Variants in CYC1 observed in about 807,000 individuals in gnomAD.
CYC1 encodes cytochrome c1, also known as cytochrome c1, heme protein, mitochondrial.
CYC1 carries 10 observed loss-of-function variants against 33.8 expected under a neutral mutation model. The ratio of observed to expected loss-of-function variants is 0.30; its 90% CI spans 0.18 to 0.50. The LOEUF is 0.50. CYC1 is among the 20% of genes least tolerant of loss of function. The pLI is 0.98. For missense variants in CYC1, 459 were observed against 437.6 expected (o/e 1.05, Z -0.44); for synonymous variants, 224 against 181.9 (o/e 1.23, Z -1.86).
intron 3 of CYC1, 33 bp downstream of exon 3, chr8:144,096,283 C>A: frequency 6.2e-7 from 1 of 1,613,400 alleles, no homozygotes; most frequent in Non-Finnish European, 8.5e-7. Flanking sequence ...GGACCCAGGG[C>A]TCAGGGCTCC....
At position 144,097,296 on chromosome 8, in the gene CYC1, T is replaced by A; in HGVS notation, c.938T>A (p.Val313Asp). The A allele has an allele frequency of 6.2e-7, 1 of 1,614,090 alleles. No individual in the cohort carries two copies. Among genetic ancestry groups the A allele is most frequent in the South Asian group, 1.1e-5 (1 of 91,078 alleles). ...ACCATAAAGCGGCACAAGTGGTCAG[T>A]CCTGAAGAGTCGGAAGCTGGCATAT... Reference protein sequence around the residue: ...VYTIKRHKWSVLKSRKLAYRP... With the variant: ...VYTIKRHKWSDLKSRKLAYRP... Residue 313 changes from valine (V) to aspartate (D), a missense_variant, in exon 7 of 7, where the codon GTC (valine) becomes GAC (aspartate). By Grantham distance (152) the Val-to-Asp change is radical. Transcript: ENST00000318911.
chr8:144,096,930 C>T lies in CYC1; in HGVS notation c.773-104C>T, dbSNP rs928198780. ...GTATGTCCGGTGGAGGGTACTGCCC[C>T]TTTGATGCCTTGGGTAGGGGCAGTG... is the stretch of plus-strand genomic sequence containing the variant. On this transcript the variant is annotated intron_variant, in intron 5 of 6. Coordinates refer to ENST00000318911, the MANE Select transcript of CYC1 (RefSeq NM_001916.5). 7 of 1,216,314 alleles carry T rather than the reference C, an allele frequency of 5.8e-6. No homozygotes were observed. The African/African-American group carries it at 1.1e-4, about 18-fold the overall frequency. The allele number at this position is 1,216,314 out of a possible 1,614,324, so 75.3% of individuals were successfully genotyped here.
rs145614459 is a variant in CYC1 at position 144,096,359 on chromosome 8, A to G, written c.476A>G (p.Asn159Ser). Residue 159 changes from asparagine (N) to serine (S), a missense_variant, in exon 4 of 7, where the codon AAT (asparagine) becomes AGT (serine). By Grantham distance (46) the Asn-to-Ser change is conservative. Transcript: ENST00000318911. ...CAGGTGGAGGTTCAAGACGGCCCCA[A>G]TGAAGATGGGGAGATGTTCATGCGG... Reference protein sequence around the residue: ...AAEVEVQDGPNEDGEMFMRPG... With the variant: ...AAEVEVQDGPSEDGEMFMRPG... 1.9e-4 allele frequency: 303 copies of G among 1,613,998 alleles called. No homozygotes were observed. The highest frequency in any genetic ancestry group is 7.3e-4 in the Admixed American group (44 of 60,012).
chr8:144,095,450 C>T (rs1836130266), intron 1 of CYC1: 1 of 426,612 alleles, frequency 2.3e-6, no homozygotes, highest in South Asian at 5.9e-5. Context: ...GTTGGCGGGA[C>T]GGGCTAGCTG....
At position 144,097,446 on chromosome 8, in the gene CYC1, C is replaced by A; in HGVS notation, c.*110C>A. 2 of 852,476 alleles carry A rather than the reference C, an allele frequency of 2.3e-6. No individual in the cohort carries two copies. Among genetic ancestry groups the A allele is most frequent in the Non-Finnish European group, 1.9e-6 (1 of 537,524 alleles). The allele number at this position is 852,476 out of a possible 1,614,324, so 52.8% of individuals were successfully genotyped here. On this transcript the variant is annotated 3_prime_UTR_variant, in exon 7 of 7. Transcript: ENST00000318911. The stretch of plus-strand genomic sequence containing the variant: ...GCCTCTCTTCATCTGGAAGAAGAGG[C>A]AAGGGGGCAGGAGACCAGGCTCTAG...
Position 144,095,151 on chromosome 8 carries a change from G to A in CYC1, c.52G>A (p.Ala18Thr). 1 of 1,210,628 alleles carries A rather than the reference G, an allele frequency of 8.3e-7. No homozygotes were observed. The highest frequency in any genetic ancestry group is 1.0e-6 in the Non-Finnish European group (1 of 973,358). 75.0% of individuals were successfully genotyped at this position (1,210,628 alleles called of 1,614,324 possible). A position where few individuals can be genotyped will look rare whatever the true frequency, so the allele number is the denominator to read the frequency against. ...LRGVVLGPRG[A>T]GLPGARARGL... ...CGGGGTAGTGTTGGGCCCGCGGGGC[G>A]CGGGGCTCCCGGGCGCGCGTGCCCG... Residue 18 changes from alanine (A) to threonine (T), a missense_variant, in exon 1 of 7, where the codon GCG (alanine) becomes ACG (threonine). Coordinates refer to ENST00000318911, the MANE Select transcript of CYC1 (RefSeq NM_001916.5).
Position 144,097,048 on chromosome 8 carries a change from A to G in CYC1, c.787A>G (p.Met263Val), listed in dbSNP as rs367892680. The change falls in exon 6 of 7, where the codon ATG becomes GTG. Residue 263 changes from methionine (M) to valine (V), a missense_variant. Transcript: ENST00000318911. The stretch of plus-strand genomic sequence containing the variant: ...TCGTTGGCCAGGCACCCCAGCTACC[A>G]TGTCCCAGATAGCCAAGGATGTGTG... ...LEFDDGTPAT[M>V]SQIAKDVCTF... 9 of 1,608,140 alleles carry G rather than the reference A, an allele frequency of 5.6e-6. No homozygotes were observed. The highest frequency in any genetic ancestry group is 6.8e-6 in the Non-Finnish European group (8 of 1,176,906).
chr8:144,095,561 C>G (rs1381847122), intron 1 of CYC1: 2 of 528,562 alleles, frequency 3.8e-6, no homozygotes, highest in Admixed American at 3.8e-5. Context: ...CCAGCCTGAT[C>G]TCGGCCAGCT....
At chr8:144,096,973 G>T in intron 5 of CYC1, 61 bp from the exon 6 acceptor site, 2 of 1,418,430 alleles carry the variant, frequency 1.4e-6, no homozygotes, top group Middle Eastern at 1.9e-4. Flanking sequence ...CACAGAGGGG[G>T]GGCATGATCC....
intron 5 of CYC1, 59 bp downstream of exon 5, chr8:144,096,803 A>G: frequency 5.6e-6 from 8 of 1,437,284 alleles, no homozygotes; most frequent in Non-Finnish European, 5.7e-6. Flanking sequence ...ACCCCCAGGG[A>G]TGCTTTCCCT....
chr8:144,095,768 T>G, intron 1 of CYC1, 65 bp from the exon 2 acceptor site: 2 of 1,558,062 alleles, frequency 1.3e-6, no homozygotes, highest in Non-Finnish European at 1.7e-6. Flanking sequence ...AGGTGGGCGC[T>G]GAGAGTCAGA....
intron 5 of CYC1, 96 bp from the exon 6 acceptor site, chr8:144,096,938 C>G: frequency 1.6e-6 from 2 of 1,234,438 alleles, no homozygotes; most frequent in Non-Finnish European, 1.2e-6. Context: ...CCCTTTGATG[C>G]CTTGGGTAGG....
chr8:144,095,858 G>A lies in CYC1; in HGVS notation c.155G>A (p.Gly52Asp). 5 of 1,608,566 alleles carry A rather than the reference G, an allele frequency of 3.1e-6. No homozygotes were observed. The highest frequency in any genetic ancestry group is 3.4e-6 in the Non-Finnish European group (4 of 1,179,770). ...PQAVALSSKSGLSRGRKVMLS... is the reference protein window; with the variant it reads ...PQAVALSSKSDLSRGRKVMLS... ...GCAGTGGCCTTGTCGTCGAAGTCTG[G>A]CCTTTCCCGAGGCCGGAAAGTGATG... The change falls in exon 2 of 7, where the codon GGC (glycine) becomes GAC (aspartate). Residue 52 changes from glycine (G) to aspartate (D), a missense_variant. By Grantham distance (94) the Gly-to-Asp change is moderately conservative. Coordinates refer to ENST00000318911, the MANE Select transcript of CYC1 (RefSeq NM_001916.5).
rs751483824 is a variant in CYC1 at position 144,096,130 on chromosome 8, G to A, written c.333G>A (p.Arg111=). Reference sequence around the variant, plus strand: ...ACCCTTTCCCTCCCTCCAGCATCCGGAGGGGTTTCCAGGTATATAAGCAGG... The same window carrying A: ...ACCCTTTCCCTCCCTCCAGCATCCGAAGGGGTTTCCAGGTATATAAGCAGG... ...LLSSLDHTSI[R]RGFQVYKQVC... The change falls in exon 3 of 7, where the codon CGG becomes CGA. Residue 111 remains arginine (R), a synonymous_variant. Coordinates refer to ENST00000318911, the MANE Select transcript of CYC1 (RefSeq NM_001916.5). The A allele has an allele frequency of 6.2e-7, 1 of 1,612,874 alleles. No individual in the cohort carries two copies. The highest frequency in any genetic ancestry group is 1.3e-5 in the African/African-American group (1 of 74,924).
At position 144,096,681 on chromosome 8, in the gene CYC1, T is replaced by A. The variant is rs768383491; in HGVS notation, c.709T>A (p.Phe237Ile). ...LREGLYFNPY[F>I]PGQAIAMAPP... is the part of the protein sequence containing the mutation. ...GGAAGGTCTCTACTTCAACCCCTACTTTCCTGGCCAGGCCATTGCCATGGC... is the reference window on the plus strand; with the variant it reads ...GGAAGGTCTCTACTTCAACCCCTACATTCCTGGCCAGGCCATTGCCATGGC... The change falls in exon 5 of 7, where the codon TTT (phenylalanine) becomes ATT (isoleucine). Residue 237 changes from phenylalanine (F) to isoleucine (I), a missense_variant. Phe to Ile is a conservative substitution (Grantham distance 21). Coordinates refer to ENST00000318911, the MANE Select transcript of CYC1 (RefSeq NM_001916.5). The A allele has an allele frequency of 1.2e-6, 2 of 1,612,448 alleles. No individual in the cohort carries two copies. Among genetic ancestry groups the A allele is most frequent in the Non-Finnish European group, 1.7e-6 (2 of 1,179,494 alleles).
In CYC1 at chr8:144,097,346, G is replaced by C; in HGVS notation, c.*10G>C. Reference sequence around the variant, plus strand: ...TCGGCCGCCCAAGTGACCCTGTCCAGTGTCTGCTTGCCATCCTGCCAGAAC... The same window carrying C: ...TCGGCCGCCCAAGTGACCCTGTCCACTGTCTGCTTGCCATCCTGCCAGAAC... On this transcript the variant is annotated 3_prime_UTR_variant, in exon 7 of 7. Coordinates refer to ENST00000318911, the MANE Select transcript of CYC1 (RefSeq NM_001916.5). The C allele has an allele frequency of 1.9e-6, 3 of 1,611,764 alleles. No individual in the cohort carries two copies. In the South Asian group the frequency reaches 3.3e-5, roughly 18 times the overall value.
At chr8:144,096,835 C>A (rs1836168285) in intron 5 of CYC1, 91 bp downstream of exon 5, 4 of 1,463,134 alleles carry the variant, frequency 2.7e-6, no homozygotes, top group African/African-American at 2.8e-5. Context: ...TCCAGGAGGT[C>A]CTGCCCACTT....
In CYC1 at chr8:144,096,750, A is replaced by G. The variant is rs750419090; in HGVS notation, c.772+6A>G. 1.6e-5 allele frequency: 21 copies of G among 1,335,640 alleles called. No homozygotes were observed. Among genetic ancestry groups the G allele is most frequent in the Non-Finnish European group, 2.1e-5 (21 of 989,624 alleles). The allele number at this position is 1,335,640 out of a possible 1,614,324, so 82.7% of individuals were successfully genotyped here. On this transcript the variant is annotated splice_donor_region_variant and intron_variant, in intron 5 of 6. Coordinates refer to ENST00000318911, the MANE Select transcript of CYC1 (RefSeq NM_001916.5). Reference sequence around the variant, plus strand: ...TGTCTTAGAGTTTGACGATGGTAAGAGGCCTCCAGTCTGGCAGTGGGCATG... The same window carrying G: ...TGTCTTAGAGTTTGACGATGGTAAGGGGCCTCCAGTCTGGCAGTGGGCATG...
rs1165454014 is a variant in CYC1 at position 144,096,720 on chromosome 8, A to C, written c.748A>C (p.Thr250Pro). The C allele has an allele frequency of 1.9e-6, 3 of 1,610,194 alleles. No individual in the cohort carries two copies. In the Admixed American group the frequency reaches 5.0e-5, roughly 27 times the overall value. ...CATTGCCATGGCCCCTCCCATCTAC[A>C]CAGATGTCTTAGAGTTTGACGATGG... ...QAIAMAPPIY[T>P]DVLEFDDGTP... Residue 250 changes from threonine to proline, a missense_variant, in exon 5 of 7, where the codon ACA (threonine) becomes CCA (proline). Coordinates refer to ENST00000318911, the MANE Select transcript of CYC1 (RefSeq NM_001916.5).
Sources: gnomAD v4.1 joint callset for allele counts on GRCh38, gnomAD v4.1.1 for gene constraint, MANE v1.5 for transcripts, NCBI Gene and HGNC (gene_info 2026-07-23, HGNC 2026-07-21) for gene names.